The following SH3PXD2A variants were observed in gnomAD, a reference collection of about 807,000 sequenced individuals.
The protein encoded by SH3PXD2A is SH3 and PX domain-containing protein 2A.
A neutral mutation model predicts 115.2 loss-of-function variants in SH3PXD2A; 32 were observed. The observed-to-expected ratio is 0.28, with a 90% confidence interval of 0.21 to 0.37. SH3PXD2A has a LOEUF of 0.37. Ranked by LOEUF, SH3PXD2A falls within the 10% of genes least tolerant of loss-of-function variation. The probability of loss-of-function intolerance (pLI) is 1.00; values close to 1 mark genes in which losing one functional copy is unlikely to be tolerated. For synonymous variants in SH3PXD2A, 610 were observed against 629.1 expected, an observed-to-expected ratio of 0.97 and a Z score of 0.45; for missense variants, 1,328 against 1,498.7, an observed-to-expected ratio of 0.89 and a Z score of 1.88.
At chr10:103,655,770 C>CT (rs1216662543) in intron 8 of SH3PXD2A, among the ~76,000 whole-genome samples, 13 of 71,824 alleles carry the variant, frequency 1.8e-4, no homozygotes, top group Non-Finnish European at 2.9e-4. Context: ...AAGACCCTGT[C>CT]TAAAAAAAAA....
intron 1 of SH3PXD2A, among the ~76,000 whole-genome samples, chr10:103,850,591 A>T (rs1842887731): frequency 6.6e-6 from 1 of 151,778 alleles, no homozygotes; most frequent in African/African-American, 2.4e-5. Context: ...TTCTCTCCTA[A>T]CCTCTGTTTC....
At chr10:103,677,035 A>C (rs940054631) in intron 6 of SH3PXD2A, among the ~76,000 whole-genome samples, 9 of 152,144 alleles carry the variant, frequency 5.9e-5, no homozygotes, top group Non-Finnish European at 1.3e-4. Flanking sequence ...TCCAGCCCCG[A>C]GTCTTGCAAT....
In SH3PXD2A at chr10:103,603,793, G is replaced by C. The variant is rs1341201272; in HGVS notation, c.1429-4C>G. The C allele has an allele frequency of 6.3e-7, 1 of 1,596,790 alleles. No homozygotes were observed. The highest frequency in any genetic ancestry group is 8.5e-7 in the Non-Finnish European group (1 of 1,175,520). On this transcript the variant is annotated splice_polypyrimidine_tract_variant and splice_region_variant and intron_variant, in intron 14 of 14. Coordinates refer to ENST00000369774, the MANE Select transcript of SH3PXD2A (RefSeq NM_001394015.1). Reference sequence around the variant, plus strand: ...CACCTGAGTTCTTATCAATGACCTGGGGTACGAGTGCAGACAAGCCAGTGA... The same window carrying C: ...CACCTGAGTTCTTATCAATGACCTGCGGTACGAGTGCAGACAAGCCAGTGA...
intron 1 of SH3PXD2A, among the ~76,000 whole-genome samples, chr10:103,825,450 T>C (rs1272814490): frequency 6.6e-6 from 1 of 152,218 alleles, no homozygotes; most frequent in African/African-American, 2.4e-5. Context: ...TTTTATTCTT[T>C]TTGATGCTAA....
intron 5 of SH3PXD2A, among the ~76,000 whole-genome samples, chr10:103,705,118 G>GCCCTGC (rs796298234): frequency 2.4e-4 from 36 of 152,254 alleles, no homozygotes; most frequent in African/African-American, 8.4e-4. Context: ...TACAGTGAGG[G>GCCCTGC]CCCTGCCTGC....
chr10:103,702,596 C>CGTGTGTGTGT (rs6144056), intron 5 of SH3PXD2A, among the ~76,000 whole-genome samples: 14,103 of 147,486 alleles, frequency 0.096, 916 homozygotes, highest in East Asian at 0.22. Context: ...TGTGTGTGTG[C>CGTGTGTGTGT]GTGTGTGTGT....
intron 2 of SH3PXD2A, among the ~76,000 whole-genome samples, chr10:103,772,811 G>A (rs1183871017): frequency 6.6e-6 from 1 of 152,224 alleles, no homozygotes; most frequent in Non-Finnish European, 1.5e-5. Flanking sequence ...AGAGACTCAA[G>A]CTTTCAGGCC....
chr10:103,781,053 C>A (rs1398893336), intron 2 of SH3PXD2A, among the ~76,000 whole-genome samples: 1 of 152,226 alleles, frequency 6.6e-6, no homozygotes, highest in African/African-American at 2.4e-5. Context: ...CCCCATCACT[C>A]CTGCAGATCG....
intron 2 of SH3PXD2A, among the ~76,000 whole-genome samples, chr10:103,789,203 C>G (rs74157343): frequency 0.047 from 7,222 of 152,142 alleles, 215 homozygotes; most frequent in South Asian, 0.11. Flanking sequence ...ACCAGGATGT[C>G]AAGACCTTCA....
intron 6 of SH3PXD2A, among the ~76,000 whole-genome samples, 155 bp from the exon 7 acceptor site, chr10:103,668,807 C>T (rs1181675423): frequency 5.3e-5 from 8 of 152,242 alleles, no homozygotes; most frequent in African/African-American, 1.9e-4. Flanking sequence ...ATTTCCTGGC[C>T]CTGGGCTGGC....
At chr10:103,789,287 C>T (rs1223384470) in intron 2 of SH3PXD2A, among the ~76,000 whole-genome samples, 2 of 152,216 alleles carry the variant, frequency 1.3e-5, no homozygotes, top group East Asian at 3.9e-4. Flanking sequence ...AGGTGGTCTA[C>T]ATCCTGGGCT....
intron 14 of SH3PXD2A, among the ~76,000 whole-genome samples, chr10:103,604,731 G>A (rs2036274581): frequency 6.6e-6 from 1 of 152,186 alleles, no homozygotes; most frequent in African/African-American, 2.4e-5. Context: ...CCTTCTTTGG[G>A]TCCTACATTC....
intron 3 of SH3PXD2A, among the ~76,000 whole-genome samples, chr10:103,739,738 T>A (rs986884086): frequency 2.6e-5 from 4 of 152,184 alleles, no homozygotes; most frequent in Non-Finnish European, 5.9e-5. Context: ...CAAGGAAGAT[T>A]GCACGGGGCA....
At chr10:103,622,901 T>C (rs1219352201) in intron 9 of SH3PXD2A, among the ~76,000 whole-genome samples, 1 of 152,068 alleles carries the variant, frequency 6.6e-6, no homozygotes, top group African/African-American at 2.4e-5. Context: ...CCAGGGATGG[T>C]GAGATCAGTG....
chr10:103,750,323 G>C (rs71471299), intron 3 of SH3PXD2A, among the ~76,000 whole-genome samples: 15,290 of 152,200 alleles, frequency 0.1, 893 homozygotes, highest in Non-Finnish European at 0.12. Context: ...AAAGTGCTGG[G>C]ATTACAGGTA....
chr10:103,699,890 G>C (rs2037871467), intron 5 of SH3PXD2A, among the ~76,000 whole-genome samples: 2 of 152,334 alleles, frequency 1.3e-5, no homozygotes, highest in South Asian at 4.1e-4. Context: ...CGGAATTCCT[G>C]CCCTGGGTGA....
At chr10:103,615,788 G>A (rs912900060) in intron 11 of SH3PXD2A, among the ~76,000 whole-genome samples, 2 of 152,002 alleles carry the variant, frequency 1.3e-5, no homozygotes, top group Admixed American at 6.6e-5. Context: ...TTGTAGATAA[G>A]CTCCAGGCAA....
chr10:103,596,663 A>ACACACTCTCTCTCTCTCTCTCTCTCT lies in SH3PXD2A; in HGVS notation c.*5152_*5153insAGAGAGAGAGAGAGAGAGAGAGTGTG. On this transcript the variant is annotated 3_prime_UTR_variant, in exon 15 of 15. Transcript: ENST00000369774. ...CACACACACACACACACACACACAC[A>ACACACTCTCTCTCTCTCTCTCTCTCT]CTCTCTCTCTCTCTCTCTCTCTCAC... The ACACACTCTCTCTCTCTCTCTCTCTCT allele has an allele frequency of 2.4e-5, 3 of 124,512 alleles. No individual in the cohort carries two copies. The highest frequency in any genetic ancestry group is 6.3e-5 in the African/African-American group (2 of 31,754). The allele number at this position is 124,512 out of a possible 1,614,324, so 7.7% of individuals were successfully genotyped here. A position where few individuals can be genotyped will look rare whatever the true frequency, so the allele number is the denominator to read the frequency against.
chr10:103,615,483 G>GGGGTGTGTGTGTGTGTGTGT (rs1237824774), intron 11 of SH3PXD2A, among the ~76,000 whole-genome samples: 2 of 128,524 alleles, frequency 1.6e-5, no homozygotes, highest in Admixed American at 8.0e-5. Flanking sequence ...AGAGTGCGAG[G>GGGGTGTGTGTGTGTGTGTGT]GTGTGTGTGT....
Sources: allele counts gnomAD v4.1 joint callset (sites outside exome capture counted in the v4.1 genomes callset), GRCh38; gene constraint gnomAD v4.1.1; transcripts MANE v1.5; gene names NCBI Gene and HGNC (gene_info 2026-07-23, HGNC 2026-07-21).